Variants in CNKSR2 observed in about 807,000 individuals in gnomAD.
The protein encoded by CNKSR2 is connector enhancer of kinase suppressor of Ras 2.
Under a neutral mutation model 84.4 loss-of-function variants are expected in CNKSR2, and 14 were observed. The ratio of observed to expected loss-of-function variants is 0.17; its 90% CI spans 0.11 to 0.26. The LOEUF (loss-of-function observed/expected upper bound fraction) is 0.26. Among genes scored for constraint, CNKSR2 ranks in the 10% least tolerant of loss-of-function variants. The pLI is 1.00. For missense variants in CNKSR2, 485 were observed against 771.2 expected (o/e 0.63, Z 4.40); for synonymous variants, 275 against 277.9 (o/e 0.99, Z 0.10).
rs1051055959 is a variant in CNKSR2 at position 21,546,604 on chromosome X, G to C, written c.1303+14537G>C. 3.9e-4 allele frequency among the ~76,000 whole-genome samples: 43 copies of C among 110,652 alleles called. 1 individual carries two copies. The highest frequency in any genetic ancestry group is 9.7e-4 in the Admixed American group (10 of 10,341). ...ACCACAAAGATACTCCTCAAGAAAA[G>C]CAACGCCAGGACACATAATCATCAG... On this transcript the variant is annotated intron_variant, in intron 11 of 21. Coordinates refer to ENST00000379510, the MANE Select transcript of CNKSR2 (RefSeq NM_014927.5).
intron 11 of CNKSR2, among the ~76,000 whole-genome samples, chrX:21,535,776 T>C (rs1381670824): frequency 9.0e-6 from 1 of 111,283 alleles, no homozygotes; most frequent in Non-Finnish European, 1.9e-5. Flanking sequence ...GTGGAGTCTT[T>C]AGGTTTTTCT....
At chrX:21,383,201 C>T in intron 1 of CNKSR2, among the ~76,000 whole-genome samples, 1 of 112,376 alleles carries the variant, frequency 8.9e-6, no homozygotes, top group South Asian at 3.6e-4. Context: ...AACTATTCTA[C>T]AAGATGGAAT....
rs922876236 is a variant in CNKSR2 at position 21,398,356 on chromosome X, C to G, written c.64+23395C>G. On this transcript the variant is annotated intron_variant, in intron 1 of 21. Coordinates refer to ENST00000379510, the MANE Select transcript of CNKSR2 (RefSeq NM_014927.5). ...GAAAATATAAAATACTTTTTTTCAC[C>G]ACTATAATGTCATTGTATGATTTTT... is the stretch of plus-strand genomic sequence containing the variant. Among the ~76,000 whole-genome samples, 5 of 111,364 alleles carry G rather than the reference C, an allele frequency of 4.5e-5. No homozygotes were observed. In the Admixed American group the frequency reaches 4.8e-4, roughly 11 times the overall value.
chrX:21,425,155 T>A (rs2090548691), intron 1 of CNKSR2: 1 of 111,962 alleles, frequency 8.9e-6, no homozygotes, highest in Non-Finnish European at 1.9e-5. Flanking sequence ...ATTTTTCTCT[T>A]CTCTTACGTA....
intron 8 of CNKSR2, among the ~76,000 whole-genome samples, chrX:21,515,209 G>C (rs1245626350): frequency 9.0e-6 from 1 of 111,325 alleles, no homozygotes; most frequent in African/African-American, 3.3e-5. Flanking sequence ...TTAGATGAAT[G>C]CTTATTAAAT....
intron 20 of CNKSR2, among the ~76,000 whole-genome samples, chrX:21,648,122 C>T (rs559009368): frequency 9.0e-6 from 1 of 111,525 alleles, no homozygotes; most frequent in East Asian, 2.8e-4. Flanking sequence ...TCTCTTAGCA[C>T]GTGCCATATT....
rs779470179 is a variant in CNKSR2 at position 21,464,863 on chromosome X, T to G, written c.520-5903T>G. On this transcript the variant is annotated intron_variant, in intron 4 of 21. Coordinates refer to ENST00000379510, the MANE Select transcript of CNKSR2 (RefSeq NM_014927.5). The stretch of plus-strand genomic sequence containing the variant: ...TAAATTGTTATAGAAAAATTGAAAT[T>G]GCTTTTCTTTTAAAACAAAAACAAA... Among the ~76,000 whole-genome samples the G allele has an allele frequency of 1.2e-3, 139 of 112,655 alleles. 2 individuals are homozygous for G. Among genetic ancestry groups the G allele is most frequent in the African/African-American group, 4.3e-3 (135 of 31,049 alleles).
At chrX:21,640,433 T>C (rs562835152) in intron 20 of CNKSR2, among the ~76,000 whole-genome samples, 2 of 111,555 alleles carry the variant, frequency 1.8e-5, no homozygotes, top group African/African-American at 6.5e-5. Context: ...TTTTGTTTCG[T>C]TTGACCTGTA....
rs753329805 is a variant in CNKSR2, at chrX:21,435,743, T to C, written c.431+2929T>C. ...TCAGAAGTTTACAGATCACTACAAG[T>C]GTTACGTTGTACAGTAACATTAGTA... On this transcript the variant is annotated intron_variant, in intron 3 of 21. Coordinates refer to ENST00000379510, the MANE Select transcript of CNKSR2 (RefSeq NM_014927.5). 3.6e-5 allele frequency among the ~76,000 whole-genome samples: 4 copies of C among 112,195 alleles called. No individual in the cohort carries two copies. The East Asian group carries it at 1.1e-3, about 31-fold the overall frequency.
intron 11 of CNKSR2, among the ~76,000 whole-genome samples, chrX:21,555,809 G>A (rs2092134751): frequency 9.0e-6 from 1 of 111,390 alleles, no homozygotes; most frequent in Non-Finnish European, 1.9e-5. Flanking sequence ...TTTGACAACT[G>A]TAAGAGAAGA....
intron 2 of CNKSR2, among the ~76,000 whole-genome samples, chrX:21,431,458 A>T (rs899130343): frequency 9.0e-6 from 1 of 111,330 alleles, no homozygotes; most frequent in Admixed American, 9.6e-5. Context: ...TTAAAAAAGA[A>T]ATCTTCCCAT....
chrX:21,454,141 G>C (rs1465589604), intron 4 of CNKSR2, among the ~76,000 whole-genome samples: 1 of 111,383 alleles, frequency 9.0e-6, no homozygotes, highest in Non-Finnish European at 1.9e-5. Context: ...AAGTTCCTCT[G>C]ATCCTTCCAA....
chrX:21,654,070 G>C lies in CNKSR2; in HGVS notation c.*1549G>C, dbSNP rs1309683831. The stretch of plus-strand genomic sequence containing the variant: ...ATCGTTTTGCAGACTTTGCACAACT[G>C]TACAGGAGAGTGGCCTTTCTACAGC... On this transcript the variant is annotated 3_prime_UTR_variant, in exon 22 of 22. Transcript: ENST00000379510. 9.1e-6 allele frequency: 1 copy of C among 110,351 alleles called. No homozygotes were observed. The highest frequency in any genetic ancestry group is 3.3e-5 in the African/African-American group (1 of 30,319). The allele number at this position is 110,351 out of a possible 1,213,427, so 9.1% of individuals were successfully genotyped here.
intron 1 of CNKSR2, among the ~76,000 whole-genome samples, chrX:21,375,548 T>C (rs2089798344): frequency 8.9e-6 from 1 of 112,131 alleles, no homozygotes; most frequent in Non-Finnish European, 1.9e-5. Context: ...TGTGCTACTT[T>C]GAGGGTGAGG....
chrX:21,609,655 A>G (rs1479865950), intron 20 of CNKSR2, 38 bp downstream of exon 20: 1 of 1,137,492 alleles, frequency 8.8e-7, no homozygotes, highest in Non-Finnish European at 1.2e-6. Flanking sequence ...CTGTGTACAC[A>G]AAGTCCTGAC....
intron 4 of CNKSR2, among the ~76,000 whole-genome samples, chrX:21,456,874 TTCTTA>T (rs1402772284): frequency 8.9e-6 from 1 of 111,818 alleles, no homozygotes; most frequent in Non-Finnish European, 1.9e-5. Flanking sequence ...TTGCCATTAC[TTCTTA>T]TCTTTTGACA....
chrX:21,578,370 A>G lies in CNKSR2; in HGVS notation c.1609-12202A>G, dbSNP rs537627587. On this transcript the variant is annotated intron_variant, in intron 13 of 21. Coordinates refer to ENST00000379510, the MANE Select transcript of CNKSR2 (RefSeq NM_014927.5). ...GGTTCTTGTGTCTGATAGTCTCCAG[A>G]TAAGAGTTCAGCATTAAGAAGAGAA... 7.2e-5 allele frequency among the ~76,000 whole-genome samples: 8 copies of G among 111,124 alleles called. No homozygotes were observed. In the South Asian group the frequency reaches 2.7e-3, roughly 37 times the overall value.
At chrX:21,592,373 G>C (rs1047365896) in intron 15 of CNKSR2, 1 of 111,387 alleles carries the variant, frequency 9.0e-6, no homozygotes, top group Non-Finnish European at 1.9e-5. Flanking sequence ...TTGAGCTCAG[G>C]AGCTTGAAAC....
At chrX:21,516,664 C>G (rs1334767724) in intron 9 of CNKSR2, 33 bp downstream of exon 9, 7 of 1,144,334 alleles carry the variant, frequency 6.1e-6, no homozygotes, top group Non-Finnish European at 8.3e-6. Context: ...CATACACCAT[C>G]ATTTTAGCCA....
Sources: gnomAD v4.1 joint callset for allele counts (sites outside exome capture counted in the v4.1 genomes callset) on GRCh38, gnomAD v4.1.1 for gene constraint, MANE v1.5 for transcripts, NCBI Gene and HGNC (gene_info 2026-07-23, HGNC 2026-07-21) for gene names.